RGS7: variants seen among roughly 807,000 people sequenced by gnomAD.
RGS7 encodes regulator of G-protein signaling 7.
In RGS7, 27 loss-of-function variants were observed where a neutral mutation model predicts 81.1. The ratio of observed to expected loss-of-function variants is 0.33; its 90% CI spans 0.25 to 0.46. The LOEUF is 0.46. Among genes scored for constraint, RGS7 ranks in the 20% least tolerant of loss-of-function variants. The pLI, the probability that RGS7 is intolerant of heterozygous loss-of-function variation, is 1.00. For missense variants in RGS7, 396 were observed against 607.4 expected, an observed-to-expected ratio of 0.65 and a Z score of 3.66; for synonymous variants, 208 against 207.7, an observed-to-expected ratio of 1.00 and a Z score of -0.01.
intron 2 of RGS7, among the ~76,000 whole-genome samples, chr1:241,116,418 G>A (rs2065890543): frequency 6.6e-6 from 1 of 152,096 alleles, no homozygotes; most frequent in South Asian, 2.1e-4. Context: ...TTCTATTAGT[G>A]TGAATTTCCC....
chr1:241,143,057 C>G (rs1443951632), intron 2 of RGS7, among the ~76,000 whole-genome samples: 1 of 152,206 alleles, frequency 6.6e-6, no homozygotes, highest in Non-Finnish European at 1.5e-5. Context: ...GTCATCTTTG[C>G]TCCAGTTCCC....
At chr1:241,152,140 C>CAAAAAAAAA (rs112950850) in intron 2 of RGS7, among the ~76,000 whole-genome samples, 115 of 108,448 alleles carry the variant, frequency 1.1e-3, no homozygotes, top group African/African-American at 3.1e-3. Flanking sequence ...CATTAGCAGC[C>CAAAAAAAAA]AAAAAAAAAA....
At chr1:241,252,555 C>T (rs985581677) in intron 2 of RGS7, among the ~76,000 whole-genome samples, 6 of 152,088 alleles carry the variant, frequency 3.9e-5, no homozygotes, top group Non-Finnish European at 8.8e-5. Context: ...AGTGTATTCT[C>T]GGTTTCCCAA....
In RGS7 at chr1:241,058,809, T is replaced by C. The variant is rs191283585; in HGVS notation, c.175+39857A>G. On this transcript the variant is annotated intron_variant, in intron 3 of 18. Coordinates refer to ENST00000440928, the MANE Select transcript of RGS7 (RefSeq NM_001364886.1). ...ATGGATTCATGCAACAATTTTGACA[T>C]TAACCAGGTGAAATCTAAGGTCCTT... 3.3e-3 allele frequency among the ~76,000 whole-genome samples: 501 copies of C among 152,282 alleles called. 1 individual carries two copies. The highest frequency in any genetic ancestry group is 5.2e-3 in the Non-Finnish European group (355 of 68,014).
intron 2 of RGS7, among the ~76,000 whole-genome samples, chr1:241,203,093 C>G (rs1180008582): frequency 1.3e-5 from 2 of 152,080 alleles, no homozygotes; most frequent in Non-Finnish European, 2.9e-5. Context: ...AGCATGTGAT[C>G]TTGCTACCTA....
Position 240,814,701 on chromosome 1 carries a change from C to T in RGS7, c.845+15G>A, listed in dbSNP as rs762582711. On this transcript the variant is annotated intron_variant, in intron 12 of 18. Transcript: ENST00000440928. ...TGAAATTTTAAAATTTATACAGACA[C>T]TTTGAAATACTCACCTGTCAGCGAC... is the stretch of plus-strand genomic sequence containing the variant. The T allele has an allele frequency of 6.6e-7, 1 of 1,517,022 alleles. No individual in the cohort carries two copies. The highest frequency in any genetic ancestry group is 9.2e-7 in the Non-Finnish European group (1 of 1,092,478). The allele number at this position is 1,517,022 out of a possible 1,614,324, so 94.0% of individuals were successfully genotyped here. A position where few individuals can be genotyped will look rare whatever the true frequency, so the allele number is the denominator to read the frequency against.
chr1:240,816,237 C>A, intron 11 of RGS7, 80 bp downstream of exon 11: 1 of 859,182 alleles, frequency 1.2e-6, no homozygotes, highest in Non-Finnish European at 2.0e-6. Flanking sequence ...ATAAAAATAC[C>A]CACTATTAAC....
chr1:240,944,282 G>GTGTGTGTATA (rs1352421845), intron 4 of RGS7, among the ~76,000 whole-genome samples: 13 of 55,810 alleles, frequency 2.3e-4, no homozygotes, highest in East Asian at 7.2e-4. Flanking sequence ...GTGTGTGTGT[G>GTGTGTGTATA]TATATATATA....
chr1:240,791,356 C>T (rs1448077985), intron 18 of RGS7, among the ~76,000 whole-genome samples: 2 of 152,136 alleles, frequency 1.3e-5, no homozygotes, highest in Admixed American at 1.3e-4. Flanking sequence ...CCAATCTGGG[C>T]TTGTGTACAG....
intron 3 of RGS7, among the ~76,000 whole-genome samples, chr1:241,089,966 C>T (rs1049102675): frequency 7.1e-6 from 1 of 139,930 alleles, no homozygotes; most frequent in African/African-American, 2.8e-5. Flanking sequence ...TGCACTCCAG[C>T]CTGGGCGGCA....
At chr1:241,084,840 C>T (rs538524200) in intron 3 of RGS7, among the ~76,000 whole-genome samples, 1 of 152,330 alleles carries the variant, frequency 6.6e-6, no homozygotes, top group South Asian at 2.1e-4. Flanking sequence ...CTGAAAAGAA[C>T]TCCCTATTAA....
intron 14 of RGS7, among the ~76,000 whole-genome samples, chr1:240,811,184 G>T (rs1305038447): frequency 2.6e-5 from 4 of 152,130 alleles, no homozygotes; most frequent in Non-Finnish European, 4.4e-5. Context: ...GCTTTCAAAA[G>T]AATAATGAAT....
chr1:241,147,324 T>C (rs1432922295), intron 2 of RGS7, among the ~76,000 whole-genome samples: 1 of 152,248 alleles, frequency 6.6e-6, no homozygotes, highest in African/African-American at 2.4e-5. Context: ...TCATTCCTTA[T>C]GCACCTAAAC....
intron 18 of RGS7, among the ~76,000 whole-genome samples, chr1:240,793,248 C>T (rs903830470): frequency 6.6e-5 from 10 of 152,152 alleles, no homozygotes; most frequent in South Asian, 2.1e-4. Flanking sequence ...TAAGAACTAA[C>T]GATGCTGCCA....
chr1:241,315,764 C>T (rs60031152), intron 2 of RGS7, among the ~76,000 whole-genome samples: 2,097 of 152,286 alleles, frequency 0.014, 46 homozygotes, highest in African/African-American at 0.048. Flanking sequence ...TAGGCATCCT[C>T]GTCTTTTTTT....
rs1199930910 is a variant in RGS7, at chr1:241,314,265, T to C, written c.78+41434A>G. 2.0e-5 allele frequency among the ~76,000 whole-genome samples: 3 copies of C among 152,322 alleles called. No homozygotes were observed. In the East Asian group the frequency reaches 5.8e-4, roughly 29 times the overall value. On this transcript the variant is annotated intron_variant, in intron 2 of 18. Transcript: ENST00000440928. The stretch of plus-strand genomic sequence containing the variant: ...TCAATCAATGCGGCTCACTTCACTG[T>C]CGTTTATTTGAAGAAATTGCCACAG...
chr1:241,272,134 C>T (rs1041477433), intron 2 of RGS7, among the ~76,000 whole-genome samples: 63 of 152,150 alleles, frequency 4.1e-4, no homozygotes, highest in African/African-American at 1.4e-3. Context: ...GCTGGGACTA[C>T]AGGCACCCGC....
chr1:241,156,080 G>GCA (rs149769224), intron 2 of RGS7, among the ~76,000 whole-genome samples: 8,815 of 145,660 alleles, frequency 0.061, 515 homozygotes, highest in East Asian at 0.35. Flanking sequence ...ACACACGCAC[G>GCA]CACACACACA....
rs1216781129 is a variant in RGS7, at chr1:241,235,650, CTCTCTTTCTT to C, written c.78+120039_78+120048del. ...TCTCTCTTTTTTCTTTTTTCTCATTCTCTCTTTCTTTCTCTTTCTCTCTCTCTTTCTTTCT... is the reference window on the plus strand; with the variant it reads ...TCTCTCTTTTTTCTTTTTTCTCATTCTCTCTTTCTCTCTCTCTTTCTTTCT... On this transcript the variant is annotated intron_variant, in intron 2 of 18. Coordinates refer to ENST00000440928, the MANE Select transcript of RGS7 (RefSeq NM_001364886.1). Among the ~76,000 whole-genome samples the C allele has an allele frequency of 1.2e-4, 6 of 51,696 alleles. No homozygotes were observed. The East Asian group carries it at 2.6e-3, about 23-fold the overall frequency. The allele number at this position is 51,696 out of a possible 152,430, so 33.9% of individuals were successfully genotyped here. A position where few individuals can be genotyped will look rare whatever the true frequency, so the allele number is the denominator to read the frequency against.
Sources: allele counts gnomAD v4.1 joint callset (sites outside exome capture counted in the v4.1 genomes callset), GRCh38; gene constraint gnomAD v4.1.1; transcripts MANE v1.5; gene names NCBI Gene and HGNC (gene_info 2026-07-23, HGNC 2026-07-21).